EIF4E3: variants seen among roughly 807,000 people sequenced by gnomAD.
EIF4E3 encodes the protein eukaryotic translation initiation factor 4E family member 3.
A neutral mutation model predicts 31.7 loss-of-function variants in EIF4E3; 26 were observed. That is an observed-to-expected ratio of 0.82 (90% confidence interval 0.60 to 1.14). The LOEUF is 1.14. Ranked by LOEUF, EIF4E3 falls within the 50% of genes most tolerant of loss-of-function variation. The probability of loss-of-function intolerance (pLI) is 0.00; values close to 1 mark genes in which losing one functional copy is unlikely to be tolerated. For missense variants in EIF4E3, 304 were observed against 270.9 expected (o/e 1.12, Z -0.86); for synonymous variants, 128 against 107.7 (o/e 1.19, Z -1.17).
chr3:71,717,578 T>G (rs2049484499), intron 1 of EIF4E3, among the ~76,000 whole-genome samples: 1 of 152,132 alleles, frequency 6.6e-6, no homozygotes, highest in South Asian at 2.1e-4. Context: ...AATTAAGAGG[T>G]AGAGCCAGAT....
At chr3:71,696,427 G>T in intron 4 of EIF4E3, 33 bp downstream of exon 4, 1 of 1,612,446 alleles carries the variant, frequency 6.2e-7, no homozygotes, top group Non-Finnish European at 8.5e-7. Flanking sequence ...TCCAAGCCTC[G>T]CCGGTTCTAG....
chr3:71,742,046 C>A (rs916774538), intron 1 of EIF4E3, among the ~76,000 whole-genome samples: 11 of 151,878 alleles, frequency 7.2e-5, no homozygotes, highest in Admixed American at 4.6e-4. Context: ...CACAAATGCC[C>A]GAATAAAGAT....
intron 1 of EIF4E3, among the ~76,000 whole-genome samples, chr3:71,733,618 C>T (rs1297569212): frequency 6.6e-6 from 1 of 152,130 alleles, no homozygotes; most frequent in Non-Finnish European, 1.5e-5. Context: ...CCCAAGCTTC[C>T]TGAGGGGTGG....
downstream of EIF4E3, among the ~76,000 whole-genome samples, chr3:71,673,709 A>G (rs1461915916): frequency 6.6e-6 from 1 of 151,878 alleles, no homozygotes; most frequent in East Asian, 1.9e-4. Flanking sequence ...ATATTTACCA[A>G]TCCACTAAAT....
At chr3:71,754,342 T>A (rs1191850289), upstream of EIF4E3, 11 of 1,295,242 alleles carry the variant, frequency 8.5e-6, no homozygotes, top group Non-Finnish European at 1.1e-5. The surrounding 1 kb of genome is among the most constrained non-coding windows in gnomAD (Gnocchi z 5.8). Flanking sequence ...TGCAAGCTGC[T>A]CGCCTTCCTG....
chr3:71,661,807 C>A, the EIF4E3 span, among the ~76,000 whole-genome samples: 1 of 152,096 alleles, frequency 6.6e-6, no homozygotes, highest in African/African-American at 2.4e-5. Flanking sequence ...CCTCATTTGT[C>A]AAATGGTGGA....
In EIF4E3 at chr3:71,680,322, C is replaced by T. The variant is rs1478182793; in HGVS notation, c.*4360G>A. 1 of 152,150 alleles carries T rather than the reference C, an allele frequency of 6.6e-6. No individual in the cohort carries two copies. The highest frequency in any genetic ancestry group is 1.9e-4 in the East Asian group (1 of 5,194). The allele number at this position is 152,150 out of a possible 1,614,324, so 9.4% of individuals were successfully genotyped here. On this transcript the variant is annotated 3_prime_UTR_variant, in exon 7 of 7. Transcript: ENST00000425534. ...CTTGTTAAAAATGCAGATATCCTCC[C>T]AGATTTCTAGTGCTGGGGTCAAGAA...
intron 1 of EIF4E3, among the ~76,000 whole-genome samples, chr3:71,740,688 G>A (rs542551514): frequency 1.1e-4 from 16 of 152,242 alleles, no homozygotes; most frequent in Admixed American, 5.9e-4. Context: ...AGCTGAGATC[G>A]TGCCACTGCA....
chr3:71,714,257 GGAAGGAAGGAAGGAAA>G (rs757649797), intron 1 of EIF4E3, among the ~76,000 whole-genome samples: 3,988 of 117,612 alleles, frequency 0.034, 146 homozygotes, highest in African/African-American at 0.1. Context: ...AAGGAAGGAA[GGAAGGAAGGAAGGAAA>G]GAAGGAAGGA....
At chr3:71,669,657 C>A in the EIF4E3 span, among the ~76,000 whole-genome samples, 1 of 151,652 alleles carries the variant, frequency 6.6e-6, no homozygotes, top group Non-Finnish European at 1.5e-5. Context: ...TCTGGTAACA[C>A]AAGGGAACAC....
chr3:71,727,916 T>A (rs1347187648), upstream of EIF4E3, among the ~76,000 whole-genome samples: 1 of 152,158 alleles, frequency 6.6e-6, no homozygotes, highest in African/African-American at 2.4e-5. Context: ...CATGAAAAAA[T>A]TCCCTCCAGA....
At position 71,675,936 on chromosome 3, in the gene EIF4E3, C is replaced by T. The variant is rs2048871452; in HGVS notation, c.*8746G>A. 1 of 152,184 alleles carries T rather than the reference C, an allele frequency of 6.6e-6. No individual in the cohort carries two copies. The highest frequency in any genetic ancestry group is 1.5e-5 in the Non-Finnish European group (1 of 68,052). The allele number at this position is 152,184 out of a possible 1,614,324, so 9.4% of individuals were successfully genotyped here. On this transcript the variant is annotated 3_prime_UTR_variant, in exon 7 of 7. Transcript: ENST00000425534. ...GGCAAGTTATTTCACCTCTCTGAAC[C>T]TCATGCATATGTTTCCACATACACA...
chr3:71,746,005 T>A (rs1374772847), intron 1 of EIF4E3, among the ~76,000 whole-genome samples: 1 of 152,244 alleles, frequency 6.6e-6, no homozygotes, highest in Admixed American at 6.5e-5. Flanking sequence ...CTGCCACCTA[T>A]GCCGTTAGCA....
At chr3:71,669,272 G>A in the EIF4E3 span, among the ~76,000 whole-genome samples, 6 of 152,060 alleles carry the variant, frequency 3.9e-5, no homozygotes, top group Non-Finnish European at 8.8e-5. Flanking sequence ...GCAAGGGGAA[G>A]GGATAGCATT....
chr3:71,699,666 G>A lies in EIF4E3; in HGVS notation c.292C>T (p.Leu98=), dbSNP rs1353322621. The change falls in exon 3 of 7, where the codon CTG becomes TTG. Residue 98 remains leucine (L), a synonymous_variant. Coordinates refer to ENST00000425534, the MANE Select transcript of EIF4E3 (RefSeq NM_001134651.2). ...AAATGATAACTACATCTCAAAGGCA[G>A]GCTAGTCACAGGAGGGATATTATTG... ...VYNNIPPVTS[L]PLRCSYHLMR... The A allele has an allele frequency of 1.9e-6, 3 of 1,613,422 alleles. No individual in the cohort carries two copies. The highest frequency in any genetic ancestry group is 2.5e-6 in the Non-Finnish European group (3 of 1,179,864).
upstream of EIF4E3, chr3:71,754,534 G>C: frequency 7.4e-7 from 1 of 1,345,644 alleles, no homozygotes; most frequent in Non-Finnish European, 9.5e-7. The surrounding 1 kb of genome is among the most constrained non-coding windows in gnomAD (Gnocchi z 5.8). Context: ...GTGCTGGACG[G>C]CGGTGGCGAC....
chr3:71,690,943 T>A lies in EIF4E3; in HGVS notation c.473-778A>T, dbSNP rs573529891. Among the ~76,000 whole-genome samples, 13 of 152,320 alleles carry A rather than the reference T, an allele frequency of 8.5e-5. No individual in the cohort carries two copies. The East Asian group carries it at 1.5e-3, about 18-fold the overall frequency. ...CACATTGATTAAGGTGGACTTTTTT[T>A]AAAAAACAAAATTCCAGATTAGGGC... On this transcript the variant is annotated intron_variant, in intron 5 of 6. Coordinates refer to ENST00000425534, the MANE Select transcript of EIF4E3 (RefSeq NM_001134651.2).
chr3:71,692,628 C>T (rs1473334889), intron 5 of EIF4E3, among the ~76,000 whole-genome samples: 1 of 149,960 alleles, frequency 6.7e-6, no homozygotes, highest in African/African-American at 2.5e-5. Context: ...CAGGGTCTCA[C>T]TCTGTCACCC....
At chr3:71,687,672 T>C (rs910616721) in intron 6 of EIF4E3, among the ~76,000 whole-genome samples, 4 of 152,162 alleles carry the variant, frequency 2.6e-5, no homozygotes, top group African/African-American at 7.2e-5. Context: ...AGTCTGTGCA[T>C]TGTGAGTTTC....
Sources: allele counts gnomAD v4.1 joint callset (sites outside exome capture counted in the v4.1 genomes callset), GRCh38; gene constraint gnomAD v4.1.1; non-coding constraint Gnocchi (gnomAD v3.1); transcripts MANE v1.5; gene names NCBI Gene and HGNC (gene_info 2026-07-23, HGNC 2026-07-21).